The following TMEM131L variants were observed in gnomAD, a reference collection of about 807,000 sequenced individuals.
TMEM131L encodes the protein transmembrane protein 131-like.
Under a neutral mutation model 192.2 loss-of-function variants are expected in TMEM131L, and 54 were observed. That is an observed-to-expected ratio of 0.28 (90% CI 0.23 to 0.35). The LOEUF (loss-of-function observed/expected upper bound fraction) is 0.35. Among genes scored for constraint, TMEM131L ranks in the 10% least tolerant of loss-of-function variants. The pLI, the probability that TMEM131L is intolerant of heterozygous loss-of-function variation, is 1.00. For missense variants in TMEM131L, 1,888 were observed against 1,972.9 expected, an observed-to-expected ratio of 0.96 and a Z score of 0.82; for synonymous variants, 701 against 704.9, an observed-to-expected ratio of 0.99 and a Z score of 0.09.
At chr4:153,536,984 C>T (rs1376561958) in intron 3 of TMEM131L, among the ~76,000 whole-genome samples, 1 of 152,128 alleles carries the variant, frequency 6.6e-6, no homozygotes, top group African/African-American at 2.4e-5. Flanking sequence ...TGCTTTATAT[C>T]CTGGCTGCGC....
intron 3 of TMEM131L, among the ~76,000 whole-genome samples, chr4:153,475,046 C>T (rs756851227): frequency 2.6e-5 from 4 of 152,186 alleles, no homozygotes; most frequent in Non-Finnish European, 5.9e-5. Context: ...TACCATTTTC[C>T]ACCTCTGCTT....
At chr4:153,589,882 G>A (rs1730949933) in intron 16 of TMEM131L, among the ~76,000 whole-genome samples, 1 of 152,094 alleles carries the variant, frequency 6.6e-6, no homozygotes, top group South Asian at 2.1e-4. Context: ...TACACGCACA[G>A]ACTTTTGGCC....
At chr4:153,466,888 C>G (rs926030406) in intron 1 of TMEM131L, among the ~76,000 whole-genome samples, 4 of 152,144 alleles carry the variant, frequency 2.6e-5, no homozygotes, top group African/African-American at 9.7e-5. Flanking sequence ...GCCTGGCCGC[C>G]CAGGGTCCAC....
chr4:153,549,648 C>T (rs1459872849), intron 3 of TMEM131L, among the ~76,000 whole-genome samples: 1 of 152,172 alleles, frequency 6.6e-6, no homozygotes, highest in Non-Finnish European at 1.5e-5. Flanking sequence ...GTTGTAGCCT[C>T]ACCAGCTATG....
rs558134633 is a variant in TMEM131L at position 153,473,685 on chromosome 4, G to T, written c.196-160G>T. ...CATGTGCCTATAGTCCCAGCTACTT[G>T]GGAGGCTGAGGCAGGAGAATTGCTT... is the stretch of plus-strand genomic sequence containing the variant. On this transcript the variant is annotated intron_variant, in intron 2 of 34. Transcript: ENST00000409959. Among the ~76,000 whole-genome samples, 3 of 152,274 alleles carry T rather than the reference G, an allele frequency of 2.0e-5. No individual in the cohort carries two copies. In the East Asian group the frequency reaches 5.8e-4, roughly 29 times the overall value.
At chr4:153,592,142 A>G (rs1196871626) in intron 17 of TMEM131L, among the ~76,000 whole-genome samples, 1 of 152,138 alleles carries the variant, frequency 6.6e-6, no homozygotes, top group Non-Finnish European at 1.5e-5. Flanking sequence ...ATATGTATAT[A>G]TACTACATAT....
At chr4:153,542,453 G>A (rs186023467) in intron 3 of TMEM131L, among the ~76,000 whole-genome samples, 55 of 152,328 alleles carry the variant, frequency 3.6e-4, no homozygotes, top group Non-Finnish European at 1.5e-5. Flanking sequence ...GTGTAGTGAA[G>A]GGGCTGTGAA....
chr4:153,529,665 G>T (rs77671437), intron 3 of TMEM131L, among the ~76,000 whole-genome samples: 9,518 of 152,218 alleles, frequency 0.063, 595 homozygotes, highest in East Asian at 0.22. Flanking sequence ...AAAATTTAAG[G>T]GTATGTGTAC....
At chr4:153,475,165 T>A (rs1441748729) in intron 3 of TMEM131L, among the ~76,000 whole-genome samples, 3 of 152,228 alleles carry the variant, frequency 2.0e-5, no homozygotes, top group African/African-American at 7.2e-5. Context: ...ATATTGGTGT[T>A]TGTTAGGAAA....
chr4:153,590,284 G>A (rs1730979503), intron 16 of TMEM131L, among the ~76,000 whole-genome samples: 1 of 152,182 alleles, frequency 6.6e-6, no homozygotes, highest in South Asian at 2.1e-4. Flanking sequence ...GGATTTTTCT[G>A]ATTGTTTCCT....
chr4:153,518,366 A>G (rs1734879111), intron 3 of TMEM131L, among the ~76,000 whole-genome samples: 1 of 152,224 alleles, frequency 6.6e-6, no homozygotes, highest in East Asian at 1.9e-4. Flanking sequence ...GGTAGAAGGG[A>G]ACACACGAGA....
chr4:153,578,079 G>A (rs1355294356), intron 7 of TMEM131L, among the ~76,000 whole-genome samples: 1 of 152,176 alleles, frequency 6.6e-6, no homozygotes, highest in African/African-American at 2.4e-5. Context: ...AAACCGAGAG[G>A]GACAAGTGGT....
chr4:153,466,514 G>T lies in TMEM131L; in HGVS notation c.117G>T (p.Gln39His). 1 of 1,393,658 alleles carries T rather than the reference G, an allele frequency of 7.2e-7. No homozygotes were observed. The highest frequency in any genetic ancestry group is 9.4e-7 in the Non-Finnish European group (1 of 1,064,470). 86.3% of individuals were successfully genotyped at this position (1,393,658 alleles called of 1,614,324 possible). A position where few individuals can be genotyped will look rare whatever the true frequency, so the allele number is the denominator to read the frequency against. The change falls in exon 1 of 35, where the codon CAG becomes CAT. Residue 39 changes from glutamine (Q) to histidine (H), a missense_variant. By Grantham distance (24) the Gln-to-His change is conservative (BLOSUM62 0). Transcript: ENST00000409959. The part of the protein sequence containing the change: ...LLPCCRPGGA[Q>H]GQAIEPLPNV... ...CCTGCTGTCGCCCGGGAGGGGCTCA[G>T]GGACAAGGTCAGCCTTGCGCCGCTG...
At chr4:153,578,646 G>A (rs1317101534) in intron 7 of TMEM131L, among the ~76,000 whole-genome samples, 2 of 150,956 alleles carry the variant, frequency 1.3e-5, no homozygotes, top group South Asian at 2.1e-4. Context: ...TCAGCCTCCC[G>A]AGTAGCTGGG....
chr4:153,623,868 A>G (rs1007659655), intron 29 of TMEM131L, among the ~76,000 whole-genome samples: 16 of 151,656 alleles, frequency 1.1e-4, no homozygotes, highest in Admixed American at 9.9e-4. Context: ...TCAGTTACCC[A>G]GAACTAACAA....
chr4:153,555,058 T>G lies in TMEM131L; in HGVS notation c.309-729T>G, dbSNP rs1422062037. ...AGCTGTGTATGAAACTTTTCGTAAG[T>G]GTATGTTTGTGGAGGGAAGAGCCAG... On this transcript the variant is annotated intron_variant, in intron 4 of 34. Transcript: ENST00000409959. The surrounding 1 kb of genome is among the most constrained non-coding windows in gnomAD (Gnocchi z 4.1). Among the ~76,000 whole-genome samples, 1 of 152,220 alleles carries G rather than the reference T, an allele frequency of 6.6e-6. No homozygotes were observed. Among genetic ancestry groups the G allele is most frequent in the African/African-American group, 2.4e-5 (1 of 41,462 alleles).
chr4:153,548,568 G>C (rs916773121), intron 3 of TMEM131L, among the ~76,000 whole-genome samples: 2 of 152,198 alleles, frequency 1.3e-5, no homozygotes, highest in Non-Finnish European at 2.9e-5. Flanking sequence ...CTCCCAAAGT[G>C]CTGGGATTAC....
At chr4:153,564,480 T>A (rs1049514709) in intron 7 of TMEM131L, among the ~76,000 whole-genome samples, 46 of 152,132 alleles carry the variant, frequency 3.0e-4, no homozygotes, top group Non-Finnish European at 6.0e-4. Flanking sequence ...ACTACCTAGT[T>A]TGAGGCATTT....
intron 3 of TMEM131L, among the ~76,000 whole-genome samples, chr4:153,485,681 G>T (rs1431937167): frequency 6.6e-6 from 1 of 152,126 alleles, no homozygotes; most frequent in African/African-American, 2.4e-5. Flanking sequence ...GTGTTCGATT[G>T]GTAGTTATGA....
Sources: gnomAD v4.1 joint callset for allele counts (sites outside exome capture counted in the v4.1 genomes callset) on GRCh38, gnomAD v4.1.1 for gene constraint, Gnocchi (gnomAD v3.1) non-coding constraint, MANE v1.5 for transcripts, NCBI Gene and HGNC (gene_info 2026-07-23, HGNC 2026-07-21) for gene names.